Variants in CMIP observed in about 807,000 individuals in gnomAD.
CMIP encodes C-Maf-inducing protein.
CMIP carries 13 observed loss-of-function variants against 97.3 expected under a neutral mutation model. The observed-to-expected ratio is 0.13, with a 90% confidence interval of 0.09 to 0.21. CMIP has a LOEUF of 0.21. Ranked by LOEUF, CMIP falls within the 10% of genes least tolerant of loss-of-function variation. The pLI is 1.00. For missense variants in CMIP, 847 were observed against 1,024.9 expected (o/e 0.83, Z 2.37); for synonymous variants, 538 against 436.3 (o/e 1.23, Z -2.91).
At chr16:81,509,347 C>CTG (rs1475587926) in intron 1 of CMIP, among the ~76,000 whole-genome samples, 3 of 152,210 alleles carry the variant, frequency 2.0e-5, no homozygotes, top group Non-Finnish European at 4.4e-5. Context: ...AGTTCCCTGC[C>CTG]TGTGTGTGTG....
At chr16:81,681,804 C>A (rs1238395272) in intron 10 of CMIP, among the ~76,000 whole-genome samples, 1 of 152,036 alleles carries the variant, frequency 6.6e-6, no homozygotes, top group East Asian at 1.9e-4. Context: ...CTCCTCTGGG[C>A]CTCAGTTTTC....
intron 3 of CMIP, among the ~76,000 whole-genome samples, chr16:81,624,406 C>T (rs890591480): frequency 1.3e-4 from 19 of 151,240 alleles, no homozygotes; most frequent in African/African-American, 4.1e-4. Context: ...CCTGTGGCTG[C>T]GGTGCACATA....
intron 1 of CMIP, among the ~76,000 whole-genome samples, chr16:81,499,910 A>G (rs189779276): frequency 6.6e-6 from 1 of 152,182 alleles, no homozygotes; most frequent in Non-Finnish European, 1.5e-5. Flanking sequence ...GAGGCATCCA[A>G]ACTCCTCTGC....
chr16:81,486,282 A>T (rs955677564), intron 1 of CMIP, among the ~76,000 whole-genome samples: 8 of 152,138 alleles, frequency 5.3e-5, no homozygotes, highest in Non-Finnish European at 8.8e-5. Flanking sequence ...TCAGAGACAA[A>T]CATGCGCACT....
At chr16:81,580,438 A>AT (rs1202018196) in intron 1 of CMIP, among the ~76,000 whole-genome samples, 1 of 151,162 alleles carries the variant, frequency 6.6e-6, no homozygotes, top group Non-Finnish European at 1.5e-5. Flanking sequence ...TCTTTTTTTA[A>AT]TTTTTTTATT....
chr16:81,653,121 T>C (rs1371874132), intron 4 of CMIP, among the ~76,000 whole-genome samples: 1 of 152,214 alleles, frequency 6.6e-6, no homozygotes, highest in African/African-American at 2.4e-5. Context: ...TTTACAAATA[T>C]TAATACTGCT....
chr16:81,663,836 T>C (rs887969000), intron 6 of CMIP, among the ~76,000 whole-genome samples: 4 of 152,134 alleles, frequency 2.6e-5, no homozygotes, highest in Non-Finnish European at 2.9e-5. Flanking sequence ...GGGAGTCCTC[T>C]GTGTGTGCAT....
intron 1 of CMIP, among the ~76,000 whole-genome samples, chr16:81,567,467 G>A (rs2091002914): frequency 6.6e-6 from 1 of 152,248 alleles, no homozygotes; most frequent in Non-Finnish European, 1.5e-5. Context: ...AAACAGTGTG[G>A]CCTGGAGGGA....
intron 4 of CMIP, among the ~76,000 whole-genome samples, chr16:81,654,315 TC>T (rs1381161551): frequency 6.6e-6 from 1 of 151,652 alleles, no homozygotes; most frequent in African/African-American, 2.4e-5. Flanking sequence ...CAAGTGATCC[TC>T]CCACCTTGGC....
At chr16:81,641,627 C>T (rs1192116463) in intron 3 of CMIP, among the ~76,000 whole-genome samples, 2 of 152,144 alleles carry the variant, frequency 1.3e-5, no homozygotes, top group South Asian at 2.1e-4. Context: ...CCTGAGTTCC[C>T]GCTGTTTCCC....
Position 81,453,948 on chromosome 16 carries a change from G to A in CMIP, c.300+8407G>A, listed in dbSNP as rs1010578464. Among the ~76,000 whole-genome samples the A allele has an allele frequency of 3.3e-5, 5 of 152,192 alleles. No homozygotes were observed. Among genetic ancestry groups the A allele is most frequent in the Non-Finnish European group, 7.3e-5 (5 of 68,030 alleles). On this transcript the variant is annotated intron_variant, in intron 1 of 20. Transcript: ENST00000537098. The surrounding 1 kb of genome is among the most constrained non-coding windows in gnomAD (Gnocchi z 4.0). ...TTACATGTGCGTCTGGGAGGAAGAG[G>A]AGAGCATGGAAGCGATGACTACTCC...
chr16:81,602,607 C>T (rs1289573682), intron 1 of CMIP, among the ~76,000 whole-genome samples: 1 of 152,212 alleles, frequency 6.6e-6, no homozygotes, highest in African/African-American at 2.4e-5. Context: ...CGGCTGGCAA[C>T]CATGGGTGTG....
chr16:81,556,676 G>A (rs1053660443), intron 1 of CMIP, among the ~76,000 whole-genome samples: 3 of 152,186 alleles, frequency 2.0e-5, no homozygotes, highest in Admixed American at 6.5e-5. Context: ...GCCGACAGTG[G>A]CGATGGTTGC....
chr16:81,546,909 C>A (rs540981263), intron 1 of CMIP, among the ~76,000 whole-genome samples: 1 of 152,342 alleles, frequency 6.6e-6, no homozygotes, highest in African/African-American at 2.4e-5. Context: ...TGGCGAACAG[C>A]TCTTGTACTG....
At chr16:81,696,507 C>A in intron 13 of CMIP, 53 bp from the exon 14 acceptor site, 2 of 1,546,804 alleles carry the variant, frequency 1.3e-6, no homozygotes, top group East Asian at 2.3e-5. Flanking sequence ...CATGGTCGCC[C>A]TTGTCACCGG....
chr16:81,698,848 G>A (rs1394183460), intron 14 of CMIP, among the ~76,000 whole-genome samples: 1 of 152,314 alleles, frequency 6.6e-6, no homozygotes, highest in Admixed American at 6.5e-5. Context: ...TGTAAGTGGA[G>A]TCAGAGTCTC....
intron 1 of CMIP, among the ~76,000 whole-genome samples, chr16:81,462,504 TAAAAA>T (rs200513793): frequency 6.7e-6 from 1 of 149,022 alleles, no homozygotes; most frequent in Non-Finnish European, 1.5e-5. Context: ...ATGTAAGTGA[TAAAAA>T]AAAAAATGTT....
At chr16:81,511,116 A>G (rs2089802314) in intron 1 of CMIP, among the ~76,000 whole-genome samples, 1 of 152,150 alleles carries the variant, frequency 6.6e-6, no homozygotes, top group African/African-American at 2.4e-5. Context: ...CCAGCTTATG[A>G]TGAGTCTTGG....
chr16:81,513,879 A>G (rs1481991528), intron 1 of CMIP, among the ~76,000 whole-genome samples: 1 of 152,048 alleles, frequency 6.6e-6, no homozygotes, highest in Non-Finnish European at 1.5e-5. Flanking sequence ...CTTTGCCCAA[A>G]CCATATTTGC....
Sources: allele counts gnomAD v4.1 joint callset (sites outside exome capture counted in the v4.1 genomes callset), GRCh38; gene constraint gnomAD v4.1.1; non-coding constraint Gnocchi (gnomAD v3.1); transcripts MANE v1.5; gene names NCBI Gene and HGNC (gene_info 2026-07-23, HGNC 2026-07-21).